The following ZNF385D variants were observed in gnomAD, a reference collection of about 807,000 sequenced individuals.
ZNF385D encodes zinc finger protein 385D.
ZNF385D carries 15 observed loss-of-function variants against 35.8 expected under a neutral mutation model. The observed-to-expected ratio is 0.42, with a 90% CI of 0.28 to 0.64. The LOEUF (loss-of-function observed/expected upper bound fraction) is 0.64, where lower values mean the gene tolerates loss of function less well. Among genes scored for constraint, ZNF385D ranks in the 30% least tolerant of loss-of-function variants. The pLI, the probability that ZNF385D is intolerant of heterozygous loss-of-function variation, is 0.23. For synonymous variants in ZNF385D, 212 were observed against 186.8 expected, an observed-to-expected ratio of 1.13 and a Z score of -1.10; for missense variants, 474 against 494.6, an observed-to-expected ratio of 0.96 and a Z score of 0.39.
chr3:21,519,490 T>G (rs2125496742), intron 3 of ZNF385D, among the ~76,000 whole-genome samples: 1 of 152,256 alleles, frequency 6.6e-6, no homozygotes, highest in Middle Eastern at 3.4e-3. Context: ...CTGGTTCCTA[T>G]TATGAAAGAA....
rs149133854 is a variant in ZNF385D at position 22,198,546 on chromosome 3, T to G, written c.107-29511A>C. Among the ~76,000 whole-genome samples the G allele has an allele frequency of 1.5e-3, 234 of 152,234 alleles. 2 individuals are homozygous for G. The highest frequency in any genetic ancestry group is 5.2e-3 in the African/African-American group (218 of 41,574). On this transcript the variant is annotated intron_variant, in intron 2 of 5. Coordinates refer to the ZNF385D transcript ENST00000494108. ...TCTAATATTATTGAATTGTAGGTAT[T>G]TGTAAAGCAAGAACATTTTGAAAAA...
chr3:21,547,605 TTTTTG>T (rs960403729), intron 3 of ZNF385D, among the ~76,000 whole-genome samples: 1 of 151,772 alleles, frequency 6.6e-6, no homozygotes, highest in African/African-American at 2.4e-5. Context: ...TTAGATGTAC[TTTTTG>T]TTTTGTTTTG....
chr3:21,968,541 G>A (rs1378699808), intron 3 of ZNF385D, among the ~76,000 whole-genome samples: 1 of 152,154 alleles, frequency 6.6e-6, no homozygotes, highest in Non-Finnish European at 1.5e-5. Flanking sequence ...AGAGAGTAAA[G>A]AGGACTTTGT....
chr3:21,915,086 G>T (rs1227775223), intron 3 of ZNF385D, among the ~76,000 whole-genome samples: 1 of 151,732 alleles, frequency 6.6e-6, no homozygotes, highest in Non-Finnish European at 1.5e-5. Context: ...AAAAGAGTTG[G>T]ATTTTTTTAA....
In ZNF385D at chr3:21,904,340, A is replaced by T. The variant is rs182799995; in HGVS notation, c.326-239312T>A. On this transcript the variant is annotated intron_variant, in intron 3 of 5. Transcript: ENST00000494108. ...AAAAAAAAAGAATTGGTAAAGCTCAAGATTCAATATGCATTTTAACTATGA... is the reference window on the plus strand; with the variant it reads ...AAAAAAAAAGAATTGGTAAAGCTCATGATTCAATATGCATTTTAACTATGA... Among the ~76,000 whole-genome samples, 36 of 151,842 alleles carry T rather than the reference A, an allele frequency of 2.4e-4. No individual in the cohort carries two copies. The East Asian group carries it at 4.3e-3, about 18-fold the overall frequency.
At chr3:21,432,419 T>C (rs1701334687) in intron 5 of ZNF385D, among the ~76,000 whole-genome samples, 1 of 152,146 alleles carries the variant, frequency 6.6e-6, no homozygotes. Flanking sequence ...TCTAGACATA[T>C]AAGACAAAAA....
intron 3 of ZNF385D, among the ~76,000 whole-genome samples, chr3:22,049,332 T>TAAAATAAAATAAAATAAAATA (rs367987643): frequency 6.7e-6 from 1 of 149,724 alleles, no homozygotes; most frequent in East Asian, 2.0e-4. Context: ...TAAAATAAAA[T>TAAAATAAAATAAAATAAAATA]AAATAAAAAA....
intron 3 of ZNF385D, among the ~76,000 whole-genome samples, chr3:21,829,050 C>G (rs1263112755): frequency 6.6e-6 from 1 of 152,188 alleles, no homozygotes; most frequent in African/African-American, 2.4e-5. Flanking sequence ...ATCACATCTT[C>G]AAAGCCCCTG....
intron 2 of ZNF385D, among the ~76,000 whole-genome samples, chr3:22,203,186 T>A (rs369323598): frequency 2.0e-5 from 3 of 151,998 alleles, no homozygotes; most frequent in Admixed American, 2.0e-4. Context: ...CTCTTGCAAC[T>A]TGGACACCAG....
chr3:22,216,553 A>G (rs1201687105), intron 2 of ZNF385D, among the ~76,000 whole-genome samples: 1 of 152,148 alleles, frequency 6.6e-6, no homozygotes, highest in Admixed American at 6.6e-5. Context: ...AGATGTGAAA[A>G]TACAAGGAAA....
chr3:21,775,288 G>A (rs2071241674), intron 3 of ZNF385D, among the ~76,000 whole-genome samples: 3 of 151,662 alleles, frequency 2.0e-5, no homozygotes, highest in Admixed American at 2.0e-4. Flanking sequence ...GCAAGAATTG[G>A]CACCTGTTTC....
intron 3 of ZNF385D, among the ~76,000 whole-genome samples, chr3:22,156,407 G>A (rs1377212512): frequency 6.6e-6 from 1 of 152,034 alleles, no homozygotes; most frequent in East Asian, 1.9e-4. Flanking sequence ...TGCACAGATG[G>A]ATTACATGCT....
At chr3:22,097,209 A>G (rs1024341568) in intron 3 of ZNF385D, among the ~76,000 whole-genome samples, 5 of 152,062 alleles carry the variant, frequency 3.3e-5, no homozygotes, top group Non-Finnish European at 7.4e-5. Flanking sequence ...AAATATGATT[A>G]TTTTTATTTT....
At position 21,431,655 on chromosome 3, in the gene ZNF385D, T is replaced by C. The variant is rs968825198; in HGVS notation, c.673+5315A>G. ...TGGCCATGTGGAGCACAGGGAGTTA[T>C]GAGGCTGTTTTCATCATCATTTGTA... On this transcript the variant is annotated intron_variant, in intron 5 of 7. Transcript: ENST00000281523. Among the ~76,000 whole-genome samples, 7 of 152,274 alleles carry C rather than the reference T, an allele frequency of 4.6e-5. No homozygotes were observed. In the South Asian group the frequency reaches 1.2e-3, roughly 27 times the overall value.
chr3:21,787,944 C>CAAAAAAAAAAAAAAAAAAAAAA (rs560982379), intron 3 of ZNF385D, among the ~76,000 whole-genome samples: 15 of 75,382 alleles, frequency 2.0e-4, no homozygotes, highest in East Asian at 1.1e-3. Context: ...TTCGTCTCAA[C>CAAAAAAAAAAAAAAAAAAAAAA]AAAAAAAAAA....
intron 3 of ZNF385D, among the ~76,000 whole-genome samples, chr3:22,043,825 C>G (rs550444838): frequency 6.6e-6 from 1 of 151,506 alleles, no homozygotes; most frequent in African/African-American, 2.4e-5. Flanking sequence ...ATCTTGCTTG[C>G]TCTCTCTCTG....
chr3:22,019,916 A>C lies in ZNF385D; in HGVS notation c.325+148901T>G, dbSNP rs184729534. 5.6e-3 allele frequency among the ~76,000 whole-genome samples: 845 copies of C among 152,066 alleles called. 8 individuals are homozygous for C. Among genetic ancestry groups the C allele is most frequent in the African/African-American group, 0.019 (774 of 41,540 alleles). Reference sequence around the variant, plus strand: ...ATACCTAGTTCACTTATTTATTTAAAGTCTTTTTATGAATTTTCTATGTCC... The same window carrying C: ...ATACCTAGTTCACTTATTTATTTAACGTCTTTTTATGAATTTTCTATGTCC... On this transcript the variant is annotated intron_variant, in intron 3 of 5. Transcript: ENST00000494108.
At chr3:22,080,251 A>G (rs977683990) in intron 3 of ZNF385D, among the ~76,000 whole-genome samples, 4 of 152,144 alleles carry the variant, frequency 2.6e-5, no homozygotes, top group South Asian at 2.1e-4. Context: ...GACACAGTAG[A>G]GTCTAAAAGC....
At chr3:22,097,697 C>T (rs950992934) in intron 3 of ZNF385D, among the ~76,000 whole-genome samples, 4 of 151,960 alleles carry the variant, frequency 2.6e-5, no homozygotes, top group African/African-American at 9.7e-5. Context: ...CAGAATCATT[C>T]CTGAGAGGAT....
Sources: gnomAD v4.1 joint callset for allele counts (sites outside exome capture counted in the v4.1 genomes callset) on GRCh38, gnomAD v4.1.1 for gene constraint, MANE v1.5 for transcripts, NCBI Gene and HGNC (gene_info 2026-07-23, HGNC 2026-07-21) for gene names.